The following MARCHF1 variants were observed in gnomAD, a reference collection of about 807,000 sequenced individuals.
The protein encoded by MARCHF1 is membrane associated ring-CH-type finger 1, also known as E3 ubiquitin-protein ligase MARCHF1.
Under a neutral mutation model 54.2 loss-of-function variants are expected in MARCHF1, and 40 were observed. The observed-to-expected ratio is 0.74, with a 90% confidence interval of 0.57 to 0.96. The LOEUF (loss-of-function observed/expected upper bound fraction) is 0.96, where lower values mean the gene tolerates loss of function less well. Ranked by LOEUF, MARCHF1 falls within the 40% of genes least tolerant of loss-of-function variation. The pLI, the probability that MARCHF1 is intolerant of heterozygous loss-of-function variation, is 0.00. For missense variants in MARCHF1, 586 were observed against 656.5 expected (o/e 0.89, Z 1.17); for synonymous variants, 236 against 236.3 (o/e 1.00, Z 0.01).
intron 8 of MARCHF1, among the ~76,000 whole-genome samples, chr4:163,549,161 C>G (rs771003465): frequency 3.3e-5 from 5 of 152,236 alleles, no homozygotes; most frequent in Non-Finnish European, 7.3e-5. Flanking sequence ...TACACGCGCC[C>G]ACCACCACGC....
chr4:163,724,178 A>G (rs1745574983), intron 4 of MARCHF1, among the ~76,000 whole-genome samples: 1 of 152,054 alleles, frequency 6.6e-6, no homozygotes, highest in Non-Finnish European at 1.5e-5. Context: ...GTCTTTGATC[A>G]TGGTGATGTG....
chr4:163,955,267 TC>T (rs920854200), intron 3 of MARCHF1, among the ~76,000 whole-genome samples: 1 of 141,070 alleles, frequency 7.1e-6, no homozygotes, highest in Non-Finnish European at 1.5e-5. Flanking sequence ...AGTCTAACAG[TC>T]CGGAGTAACT....
At chr4:164,026,567 T>C (rs1037548935) in intron 2 of MARCHF1, among the ~76,000 whole-genome samples, 9 of 152,070 alleles carry the variant, frequency 5.9e-5, no homozygotes, top group African/African-American at 2.2e-4. Flanking sequence ...CTCAGCAGAT[T>C]AGGCATCAAA....
chr4:163,752,845 G>A (rs1010172293), intron 4 of MARCHF1, among the ~76,000 whole-genome samples: 10 of 152,064 alleles, frequency 6.6e-5, no homozygotes, highest in African/African-American at 7.2e-5. Flanking sequence ...ACTAGAGTTC[G>A]ACAACATCAA....
intron 3 of MARCHF1, among the ~76,000 whole-genome samples, chr4:163,936,136 A>G (rs1267972831): frequency 1.3e-5 from 2 of 152,176 alleles, no homozygotes; most frequent in East Asian, 3.9e-4. Flanking sequence ...GTCAGAACGC[A>G]CACAACAGTC....
chr4:163,996,334 G>A (rs930083957), intron 2 of MARCHF1, among the ~76,000 whole-genome samples: 1 of 151,862 alleles, frequency 6.6e-6, no homozygotes, highest in Non-Finnish European at 1.5e-5. Flanking sequence ...TCTATATCTG[G>A]TAGATTTTAA....
In MARCHF1 at chr4:163,698,999, T is replaced by C. The variant is rs111293281; in HGVS notation, c.162+1814A>G. On this transcript the variant is annotated intron_variant, in intron 5 of 9. Transcript: ENST00000514618. Reference sequence around the variant, plus strand: ...TGATATTATCATCATCCTTATGTCATAAAAGAGGCAACTGTGTCTCGGGAA... The same window carrying C: ...TGATATTATCATCATCCTTATGTCACAAAAGAGGCAACTGTGTCTCGGGAA... Among the ~76,000 whole-genome samples, 694 of 152,284 alleles carry C rather than the reference T, an allele frequency of 4.6e-3. 7 individuals are homozygous for C. Among genetic ancestry groups the C allele is most frequent in the South Asian group, 0.04 (192 of 4,824 alleles).
chr4:163,709,454 GT>G (rs1347814545), intron 4 of MARCHF1, among the ~76,000 whole-genome samples: 1 of 152,102 alleles, frequency 6.6e-6, no homozygotes, highest in East Asian at 1.9e-4. Context: ...AAGTTTACTT[GT>G]TTTTTATAAT....
intron 4 of MARCHF1, among the ~76,000 whole-genome samples, chr4:163,801,901 G>T (rs1197518670): frequency 6.6e-6 from 1 of 151,968 alleles, no homozygotes; most frequent in Non-Finnish European, 1.5e-5. Context: ...ATCAGTTGGG[G>T]TGTTTATTTT....
In MARCHF1 at chr4:164,126,310, C is replaced by T. The variant is rs931799387; in HGVS notation, c.-322-14648G>A. Among the ~76,000 whole-genome samples the T allele has an allele frequency of 3.3e-5, 5 of 152,070 alleles. 1 individual carries two copies. The highest frequency in any genetic ancestry group is 9.7e-5 in the African/African-American group (4 of 41,398). ...CTTCCCTTCCACCATGTCAGGACAC[C>T]GTGAGAGAGAGACATTTATGAACCA... is the stretch of plus-strand genomic sequence containing the variant. On this transcript the variant is annotated intron_variant, in intron 1 of 9. Coordinates refer to ENST00000514618, the MANE Select transcript of MARCHF1 (RefSeq NM_001394959.1).
intron 1 of MARCHF1, among the ~76,000 whole-genome samples, chr4:164,275,125 TAA>T (rs1181399331): frequency 4.0e-5 from 6 of 151,702 alleles, no homozygotes; most frequent in East Asian, 3.9e-4. Context: ...TAAAATATAA[TAA>T]GAGATAAGGC....
intron 7 of MARCHF1, 137 bp downstream of exon 7, chr4:163,612,134 C>A: frequency 1.3e-6 from 1 of 767,734 alleles, no homozygotes; most frequent in Non-Finnish European, 1.9e-6. Context: ...CCCACCTTTT[C>A]TCCTTTTATA....
At chr4:163,714,910 G>A (rs1166629256) in intron 4 of MARCHF1, among the ~76,000 whole-genome samples, 1 of 152,046 alleles carries the variant, frequency 6.6e-6, no homozygotes, top group African/African-American at 2.4e-5. Flanking sequence ...TTGAACTCCT[G>A]GCCTCAAGTA....
intron 3 of MARCHF1, among the ~76,000 whole-genome samples, chr4:163,889,926 CTTTT>C (rs1230221196): frequency 2.0e-5 from 1 of 50,842 alleles, no homozygotes; most frequent in Non-Finnish European, 4.1e-5. Flanking sequence ...TTTCTTTTTT[CTTTT>C]TTTTTTTTTT....
At chr4:163,975,703 G>A (rs1201309664) in intron 3 of MARCHF1, among the ~76,000 whole-genome samples, 1 of 152,146 alleles carries the variant, frequency 6.6e-6, no homozygotes, top group Non-Finnish European at 1.5e-5. Context: ...GCCTTGTAAG[G>A]ATCTTAAGAG....
chr4:164,383,986 G>T lies in MARCHF1; in HGVS notation c.-439C>A, dbSNP rs1304148925. 2.0e-5 allele frequency: 3 copies of T among 152,230 alleles called. No individual in the cohort carries two copies. Among genetic ancestry groups the T allele is most frequent in the African/African-American group, 7.2e-5 (3 of 41,450 alleles). 9.4% of individuals were successfully genotyped at this position (152,230 alleles called of 1,614,324 possible). ...GGTGGAGCGCTCCTCCCCAGCTAGCGGACGAGCAGCCGGGTGGCAGGCAGC... is the reference window on the plus strand; with the variant it reads ...GGTGGAGCGCTCCTCCCCAGCTAGCTGACGAGCAGCCGGGTGGCAGGCAGC... On this transcript the variant is annotated 5_prime_UTR_variant, in exon 1 of 10. Transcript: ENST00000514618.
intron 4 of MARCHF1, among the ~76,000 whole-genome samples, chr4:163,745,625 A>G (rs1246891295): frequency 1.3e-5 from 2 of 152,158 alleles, no homozygotes; most frequent in Non-Finnish European, 2.9e-5. Flanking sequence ...ACCCTCAAAC[A>G]ATAAAACATC....
chr4:163,615,016 A>T (rs1741465905), intron 5 of MARCHF1, among the ~76,000 whole-genome samples: 1 of 152,110 alleles, frequency 6.6e-6, no homozygotes, highest in South Asian at 2.1e-4. Flanking sequence ...AGCCCTATTA[A>T]CATGTTGATT....
chr4:163,529,192 A>G (rs1738258727), intron 9 of MARCHF1, 146 bp from the exon 10 acceptor site: 1 of 646,672 alleles, frequency 1.5e-6, no homozygotes. Context: ...ATAACTAGAA[A>G]GAATTATAAC....
Sources: gnomAD v4.1 joint callset for allele counts (sites outside exome capture counted in the v4.1 genomes callset) on GRCh38, gnomAD v4.1.1 for gene constraint, MANE v1.5 for transcripts, NCBI Gene and HGNC (gene_info 2026-07-23, HGNC 2026-07-21) for gene names.